ZNG1B: variants seen among roughly 807,000 people sequenced by gnomAD.
ZNG1B encodes the protein zinc-regulated GTPase metalloprotein activator 1B.
At chr2:113,492,472 A>G in the ZNG1B span, among the ~76,000 whole-genome samples, 3 of 86,178 alleles carry the variant, frequency 3.5e-5, no homozygotes, top group African/African-American at 4.3e-5. Context: ...GAATGACACA[A>G]TGAACTTTGG....
the ZNG1B span, among the ~76,000 whole-genome samples, chr2:113,459,116 G>T: frequency 6.6e-6 from 1 of 152,148 alleles, no homozygotes; most frequent in South Asian, 2.1e-4. Context: ...TATTAAACTT[G>T]GTCTTTTGGC....
chr2:113,494,717 A>G, the ZNG1B span: 1 of 928,684 alleles, frequency 1.1e-6, no homozygotes, highest in Non-Finnish European at 1.3e-6. Context: ...ATTATTTAAT[A>G]TAATCAAACT....
chr2:113,478,325 G>T, the ZNG1B span, among the ~76,000 whole-genome samples: 1 of 151,826 alleles, frequency 6.6e-6, no homozygotes, highest in Admixed American at 6.6e-5. Flanking sequence ...ACTCAGGCTG[G>T]AGTGCAGTGG....
the ZNG1B span, chr2:113,470,304 G>GCTCA: frequency 6.6e-6 from 1 of 152,056 alleles, no homozygotes; most frequent in Non-Finnish European, 1.5e-5. Context: ...TGTCCTCTGT[G>GCTCA]GTTTTCTGGG....
At chr2:113,471,144 G>C in the ZNG1B span, 4 of 1,135,874 alleles carry the variant, frequency 3.5e-6, no homozygotes, top group South Asian at 4.0e-5. Flanking sequence ...TTTCCCCATA[G>C]TTAACAGGAA....
At chr2:113,483,846 C>T in the ZNG1B span, among the ~76,000 whole-genome samples, 1 of 152,222 alleles carries the variant, frequency 6.6e-6, no homozygotes, top group African/African-American at 2.4e-5. Flanking sequence ...AAGCAAATTC[C>T]AGACACTATG....
At chr2:113,485,424 G>T in the ZNG1B span, among the ~76,000 whole-genome samples, 1 of 142,648 alleles carries the variant, frequency 7.0e-6, no homozygotes, top group Non-Finnish European at 1.5e-5. Context: ...GGAAGATACT[G>T]TGTGATAAGG....
At chr2:113,455,802 C>T in the ZNG1B span, among the ~76,000 whole-genome samples, 1 of 128,930 alleles carries the variant, frequency 7.8e-6, no homozygotes, top group African/African-American at 2.9e-5. Context: ...CTCACTGCAA[C>T]CTCCACCTCC....
At chr2:113,472,507 A>G in the ZNG1B span, among the ~76,000 whole-genome samples, 2 of 151,686 alleles carry the variant, frequency 1.3e-5, no homozygotes, top group African/African-American at 4.9e-5. Flanking sequence ...CCATCTGTCA[A>G]TTTTGGCTTT....
At chr2:113,444,539 G>A in the ZNG1B span, among the ~76,000 whole-genome samples, 1 of 151,566 alleles carries the variant, frequency 6.6e-6, no homozygotes, top group African/African-American at 2.4e-5. Context: ...TAAGAAAAAA[G>A]GAAATTAAAA....
chr2:113,449,318 T>C, the ZNG1B span, among the ~76,000 whole-genome samples: 1 of 149,396 alleles, frequency 6.7e-6, no homozygotes, highest in Non-Finnish European at 1.5e-5. Context: ...ATTCACAACT[T>C]AGCTAACTGG....
the ZNG1B span, chr2:113,462,539 A>G: frequency 6.4e-7 from 1 of 1,570,896 alleles, no homozygotes; most frequent in Non-Finnish European, 8.7e-7. Flanking sequence ...TCCATGTTGT[A>G]TACACAGAAT....
chr2:113,467,067 A>C, the ZNG1B span, among the ~76,000 whole-genome samples: 2 of 149,510 alleles, frequency 1.3e-5, no homozygotes, highest in African/African-American at 5.0e-5. Context: ...CTGTCTCAAA[A>C]AAAAAAAAAA....
At chr2:113,461,256 T>G in the ZNG1B span, among the ~76,000 whole-genome samples, 2 of 151,446 alleles carry the variant, frequency 1.3e-5, no homozygotes, top group Non-Finnish European at 2.9e-5. Context: ...TATTTTTATT[T>G]TTTTTAGTAG....
the ZNG1B span, among the ~76,000 whole-genome samples, chr2:113,478,615 C>A: frequency 6.6e-6 from 1 of 150,586 alleles, no homozygotes; most frequent in Non-Finnish European, 1.5e-5. Flanking sequence ...CTTAGCCATG[C>A]CCTTAAAAAC....
chr2:113,455,755 C>G, the ZNG1B span: 1 of 377,560 alleles, frequency 2.6e-6, no homozygotes, highest in Non-Finnish European at 4.8e-6. Context: ...GAGTCTCACT[C>G]TGTTGCCCAG....
chr2:113,467,125 T>C, the ZNG1B span, among the ~76,000 whole-genome samples: 1 of 151,506 alleles, frequency 6.6e-6, no homozygotes, highest in Non-Finnish European at 1.5e-5. Context: ...TCAAAGTCAC[T>C]CTTACAGAAG....
At chr2:113,440,814 A>G in the ZNG1B span, among the ~76,000 whole-genome samples, 1 of 144,736 alleles carries the variant, frequency 6.9e-6, no homozygotes, top group Non-Finnish European at 1.5e-5. Context: ...TATGAATTTT[A>G]GTGTGTACGG....
the ZNG1B span, among the ~76,000 whole-genome samples, chr2:113,487,178 T>C: frequency 3.9e-5 from 6 of 152,244 alleles, no homozygotes; most frequent in African/African-American, 1.4e-4. Flanking sequence ...TGTTATCATT[T>C]CCATACACTG....
Sources: allele counts gnomAD v4.1 joint callset (sites outside exome capture counted in the v4.1 genomes callset), GRCh38; gene constraint gnomAD v4.1.1; transcripts MANE v1.5; gene names NCBI Gene and HGNC (gene_info 2026-07-23, HGNC 2026-07-21).